C12orf42: variants seen among roughly 807,000 people sequenced by gnomAD.
C12orf42 encodes chromosome 12 open reading frame 42.
In C12orf42, 25 loss-of-function variants were observed where a neutral mutation model predicts 21.6. The observed-to-expected ratio is 1.16, with a 90% CI of 0.84 to 1.62. C12orf42 has a LOEUF of 1.62. C12orf42 is among the 40% of genes most tolerant of loss of function. The pLI is 0.00. For missense variants in C12orf42, 483 were observed against 459.3 expected, an observed-to-expected ratio of 1.05 and a Z score of -0.47; for synonymous variants, 174 against 175.0, an observed-to-expected ratio of 0.99 and a Z score of 0.05.
intron 4 of C12orf42, among the ~76,000 whole-genome samples, chr12:103,356,256 T>G (rs988127423): frequency 2.8e-4 from 43 of 152,082 alleles, no homozygotes; most frequent in African/African-American, 1.0e-3. Context: ...ACTCCATAAC[T>G]TTTTACTCTA....
At chr12:103,226,441 A>G in the C12orf42 span, among the ~76,000 whole-genome samples, 1 of 152,292 alleles carries the variant, frequency 6.6e-6, no homozygotes, top group South Asian at 2.1e-4. Context: ...GCTGTAAAGC[A>G]TCTCAGGTTG....
chr12:103,553,833 T>C, the C12orf42 span, among the ~76,000 whole-genome samples: 1 of 152,132 alleles, frequency 6.6e-6, no homozygotes, highest in Admixed American at 6.6e-5. Flanking sequence ...GGGAAGTCAC[T>C]TTCCCAAGAT....
chr12:103,560,841 A>C, the C12orf42 span, among the ~76,000 whole-genome samples: 1 of 152,220 alleles, frequency 6.6e-6, no homozygotes, highest in Non-Finnish European at 1.5e-5. Context: ...TGCAAAGTAC[A>C]CAGTATATGG....
At chr12:103,362,086 G>T (rs1385293746) in intron 4 of C12orf42, among the ~76,000 whole-genome samples, 1 of 152,102 alleles carries the variant, frequency 6.6e-6, no homozygotes, top group Non-Finnish European at 1.5e-5. Context: ...CAAAATTAAG[G>T]ATTCTCACAG....
chr12:103,319,145 G>T (rs1028431945), intron 4 of C12orf42, among the ~76,000 whole-genome samples: 1 of 152,080 alleles, frequency 6.6e-6, no homozygotes, highest in Non-Finnish European at 1.5e-5. Flanking sequence ...ATTAAAATTC[G>T]AAGGGCTGTA....
chr12:103,182,106 C>A, the C12orf42 span, among the ~76,000 whole-genome samples: 1 of 152,092 alleles, frequency 6.6e-6, no homozygotes, highest in Admixed American at 6.5e-5. Flanking sequence ...GAGAATTACA[C>A]GGCTGGTCTT....
At chr12:103,129,865 A>G in the C12orf42 span, among the ~76,000 whole-genome samples, 68 of 152,320 alleles carry the variant, frequency 4.5e-4, no homozygotes, top group African/African-American at 1.5e-3. Flanking sequence ...ATCTGTTACC[A>G]ACTACTGCTC....
the C12orf42 span, among the ~76,000 whole-genome samples, chr12:103,135,478 A>G: frequency 1.7e-4 from 26 of 152,046 alleles, no homozygotes; most frequent in African/African-American, 6.3e-4. Flanking sequence ...AAGAAAAAGA[A>G]AAAGAAAGAG....
chr12:103,125,930 G>A, the C12orf42 span, among the ~76,000 whole-genome samples: 12 of 152,192 alleles, frequency 7.9e-5, no homozygotes, highest in African/African-American at 1.9e-4. Flanking sequence ...TCATCTTGGG[G>A]AAATAAGCAG....
intron 3 of C12orf42, among the ~76,000 whole-genome samples, chr12:103,390,008 T>C (rs1328771129): frequency 6.6e-6 from 1 of 152,216 alleles, no homozygotes; most frequent in Non-Finnish European, 1.5e-5. Flanking sequence ...TCTTGTAAGA[T>C]CATTTTGCTA....
At chr12:103,351,732 C>T (rs746368050) in intron 4 of C12orf42, among the ~76,000 whole-genome samples, 2 of 152,014 alleles carry the variant, frequency 1.3e-5, no homozygotes, top group African/African-American at 2.4e-5. Flanking sequence ...CCCATTCGTG[C>T]TTCCTTCTGG....
downstream of C12orf42, among the ~76,000 whole-genome samples, chr12:103,300,032 A>AC (rs2037545876): frequency 6.6e-6 from 1 of 152,180 alleles, no homozygotes; most frequent in African/African-American, 2.4e-5. Flanking sequence ...CCTGATTTTT[A>AC]CCTCACTAAT....
intron 2 of C12orf42, among the ~76,000 whole-genome samples, chr12:103,430,679 C>T (rs1190344577): frequency 6.6e-6 from 1 of 152,166 alleles, no homozygotes; most frequent in Admixed American, 6.5e-5. Context: ...TTTATTGCAG[C>T]ACTATTCACA....
At chr12:103,370,440 T>G (rs1490614434) in intron 3 of C12orf42, among the ~76,000 whole-genome samples, 6 of 152,132 alleles carry the variant, frequency 3.9e-5, no homozygotes, top group Non-Finnish European at 8.8e-5. Context: ...GTGTCTTCCT[T>G]GCAGCACTAT....
the C12orf42 span, among the ~76,000 whole-genome samples, chr12:103,538,157 T>G: frequency 2.6e-5 from 4 of 151,672 alleles, no homozygotes; most frequent in South Asian, 8.4e-4. Context: ...TGAAAATGAG[T>G]TGAAGAAAAA....
At chr12:103,426,795 G>A (rs556744447) in intron 2 of C12orf42, among the ~76,000 whole-genome samples, 15 of 152,170 alleles carry the variant, frequency 9.9e-5, no homozygotes, top group Admixed American at 1.3e-4. Context: ...GAGAGTGGTG[G>A]CAATTATTCA....
At chr12:103,412,530 A>G (rs1325742673) in intron 2 of C12orf42, among the ~76,000 whole-genome samples, 3 of 152,162 alleles carry the variant, frequency 2.0e-5, no homozygotes, top group Non-Finnish European at 2.9e-5. Context: ...TCAGCTGGGC[A>G]TGGTGGTGGG....
the C12orf42 span, among the ~76,000 whole-genome samples, chr12:103,098,223 C>T: frequency 6.6e-6 from 1 of 152,130 alleles, no homozygotes; most frequent in Non-Finnish European, 1.5e-5. Flanking sequence ...GCACATAGGC[C>T]CTGAAAGGAG....
chr12:103,386,632 G>A (rs1225901657), intron 3 of C12orf42, among the ~76,000 whole-genome samples: 1 of 152,160 alleles, frequency 6.6e-6, no homozygotes, highest in African/African-American at 2.4e-5. Context: ...ATGCTACAGA[G>A]AGTTAGCATG....
Sources: gnomAD v4.1 joint callset for allele counts (sites outside exome capture counted in the v4.1 genomes callset) on GRCh38, gnomAD v4.1.1 for gene constraint, MANE v1.5 for transcripts, NCBI Gene and HGNC (gene_info 2026-07-23, HGNC 2026-07-21) for gene names.